CCSER1: variants seen among roughly 807,000 people sequenced by gnomAD.
CCSER1 encodes coiled-coil serine rich protein 1.
In CCSER1, 41 loss-of-function variants were observed where a neutral mutation model predicts 82.0. The ratio of observed to expected loss-of-function variants is 0.50; its 90% CI spans 0.39 to 0.65. The LOEUF (loss-of-function observed/expected upper bound fraction) is 0.65. Ranked by LOEUF, CCSER1 falls within the 30% of genes least tolerant of loss-of-function variation. The pLI, the probability that CCSER1 is intolerant of heterozygous loss-of-function variation, is 0.00. For synonymous variants in CCSER1, 414 were observed against 383.9 expected, an observed-to-expected ratio of 1.08 and a Z score of -0.92; for missense variants, 1,119 against 1,064.2, an observed-to-expected ratio of 1.05 and a Z score of -0.72.
chr4:90,161,339 C>T (rs950141280), intron 1 of CCSER1, among the ~76,000 whole-genome samples: 1 of 152,130 alleles, frequency 6.6e-6, no homozygotes, highest in African/African-American at 2.4e-5. Flanking sequence ...TAATGTCTTA[C>T]ACATAATCAC....
At chr4:90,944,231 CAAA>C (rs36064861) in intron 9 of CCSER1, among the ~76,000 whole-genome samples, 4 of 106,940 alleles carry the variant, frequency 3.7e-5, no homozygotes, top group Admixed American at 1.0e-4. Context: ...GACTCCGCCT[CAAA>C]AAAAAAAAAA....
At chr4:91,159,889 T>G (rs2148973227) in intron 10 of CCSER1, among the ~76,000 whole-genome samples, 1 of 152,010 alleles carries the variant, frequency 6.6e-6, no homozygotes, top group Admixed American at 6.5e-5. Flanking sequence ...TTTTAGGCAA[T>G]AACTAAAGCT....
chr4:90,313,487 C>T (rs1246143041), intron 3 of CCSER1, among the ~76,000 whole-genome samples: 1 of 152,198 alleles, frequency 6.6e-6, no homozygotes, highest in Non-Finnish European at 1.5e-5. Context: ...CAGTGCCCTT[C>T]CACAAAGGGT....
intron 10 of CCSER1, among the ~76,000 whole-genome samples, chr4:91,476,567 A>G (rs1411441699): frequency 6.6e-6 from 1 of 151,842 alleles, no homozygotes; most frequent in African/African-American, 2.4e-5. Flanking sequence ...TTTATATGGA[A>G]CAACAAAACA....
In CCSER1 at chr4:90,815,789, C is replaced by T; in HGVS notation, c.2038C>T (p.Leu680Phe). Residue 680 changes from leucine (L) to phenylalanine (F), a missense_variant, in exon 8 of 11, where the codon CTC (leucine) becomes TTC (phenylalanine). Physicochemically the swap from Leu to Phe is conservative, Grantham distance 22. Coordinates refer to ENST00000509176, the MANE Select transcript of CCSER1 (RefSeq NM_001145065.2). ...KDIMKDECSM[L>F]KLQLKEKDEL... is the part of the protein sequence containing the mutation. ...TATAATGAAAGATGAATGCTCGATG[C>T]TCAAGCTGCAGCTGAAAGAGAAGGA... 6.4e-7 allele frequency: 1 copy of T among 1,550,972 alleles called. No homozygotes were observed. The highest frequency in any genetic ancestry group is 8.7e-7 in the Non-Finnish European group (1 of 1,146,692).
intron 5 of CCSER1, among the ~76,000 whole-genome samples, chr4:90,608,007 G>A (rs1784959505): frequency 6.6e-6 from 1 of 152,134 alleles, no homozygotes; most frequent in African/African-American, 2.4e-5. Flanking sequence ...ATTTAGTAAT[G>A]TTGACTCCTC....
intron 3 of CCSER1, among the ~76,000 whole-genome samples, chr4:90,348,659 TG>T (rs1432002784): frequency 5.3e-5 from 8 of 152,170 alleles, no homozygotes; most frequent in African/African-American, 1.9e-4. Context: ...TAATGTACAC[TG>T]ATTAAATGAA....
chr4:91,148,959 C>T (rs1482821824), intron 10 of CCSER1, among the ~76,000 whole-genome samples: 1 of 152,138 alleles, frequency 6.6e-6, no homozygotes, highest in Non-Finnish European at 1.5e-5. Flanking sequence ...GTGCATGTGT[C>T]TTTATAGCAG....
chr4:91,355,648 G>T, intron 10 of CCSER1, among the ~76,000 whole-genome samples: 1 of 152,100 alleles, frequency 6.6e-6, no homozygotes, highest in East Asian at 1.9e-4. Flanking sequence ...AAATTTTAAG[G>T]AAAATGAGTC....
At chr4:90,990,450 C>T (rs963650824) in intron 9 of CCSER1, among the ~76,000 whole-genome samples, 4 of 152,094 alleles carry the variant, frequency 2.6e-5, no homozygotes, top group Admixed American at 6.6e-5. Flanking sequence ...TAGTTCTTAA[C>T]GCTGACAGCT....
At chr4:90,528,422 G>C (rs1387807941) in intron 5 of CCSER1, among the ~76,000 whole-genome samples, 1 of 152,094 alleles carries the variant, frequency 6.6e-6, no homozygotes, top group Non-Finnish European at 1.5e-5. Context: ...AAATAAATAT[G>C]ATCCAGAAAC....
intron 8 of CCSER1, among the ~76,000 whole-genome samples, chr4:90,851,014 G>A (rs1763815600): frequency 6.6e-6 from 1 of 152,144 alleles, no homozygotes; most frequent in Admixed American, 6.5e-5. Flanking sequence ...AGGTTGGTGA[G>A]TTCTCATGAG....
At chr4:90,155,731 T>G (rs1727995383) in intron 1 of CCSER1, among the ~76,000 whole-genome samples, 1 of 152,172 alleles carries the variant, frequency 6.6e-6, no homozygotes, top group South Asian at 2.1e-4. Flanking sequence ...CCCTTTATCA[T>G]TTTTTATTGC....
intron 7 of CCSER1, among the ~76,000 whole-genome samples, chr4:90,764,007 C>T (rs1029803278): frequency 1.1e-4 from 16 of 152,118 alleles, no homozygotes; most frequent in Non-Finnish European, 1.5e-5. Flanking sequence ...TAATTCCTTG[C>T]TTAAAATGAG....
At chr4:90,344,531 T>C (rs937197470) in intron 3 of CCSER1, among the ~76,000 whole-genome samples, 2 of 152,072 alleles carry the variant, frequency 1.3e-5, no homozygotes, top group South Asian at 2.1e-4. Context: ...CCAATAGATA[T>C]TAAAAATATT....
At chr4:91,440,023 T>A (rs1246249571) in intron 10 of CCSER1, among the ~76,000 whole-genome samples, 1 of 151,744 alleles carries the variant, frequency 6.6e-6, no homozygotes, top group Non-Finnish European at 1.5e-5. Flanking sequence ...ATGGGAGATT[T>A]TAACACCCCA....
At chr4:91,221,028 G>A (rs1418083612) in intron 10 of CCSER1, among the ~76,000 whole-genome samples, 1 of 151,990 alleles carries the variant, frequency 6.6e-6, no homozygotes, top group Non-Finnish European at 1.5e-5. Context: ...AAAATCTCTA[G>A]GGATTAAGCT....
intron 10 of CCSER1, among the ~76,000 whole-genome samples, chr4:91,405,288 C>T (rs1210198690): frequency 6.6e-6 from 1 of 151,732 alleles, no homozygotes; most frequent in Non-Finnish European, 1.5e-5. Context: ...CCCTTCCTTA[C>T]ACCTTATACA....
chr4:90,532,863 T>G (rs184682623), intron 5 of CCSER1, among the ~76,000 whole-genome samples: 48 of 152,272 alleles, frequency 3.2e-4, no homozygotes, highest in Non-Finnish European at 1.6e-4. Flanking sequence ...CTCCCAAGTA[T>G]CTATCTTGGC....
Sources: allele counts gnomAD v4.1 joint callset (sites outside exome capture counted in the v4.1 genomes callset), GRCh38; gene constraint gnomAD v4.1.1; transcripts MANE v1.5; gene names NCBI Gene and HGNC (gene_info 2026-07-23, HGNC 2026-07-21).